The following FCRL3 variants were observed in gnomAD, a reference collection of about 807,000 sequenced individuals.
FCRL3 encodes the protein Fc receptor-like protein 3.
FCRL3 carries 89 observed loss-of-function variants against 75.0 expected under a neutral mutation model. The observed-to-expected ratio is 1.19, with a 90% confidence interval of 1.00 to 1.42. FCRL3 has a LOEUF of 1.42. Ranked by LOEUF, FCRL3 falls within the 40% of genes most tolerant of loss-of-function variation. The pLI is 0.00. For missense variants in FCRL3, 946 were observed against 880.0 expected (o/e 1.07, Z -0.95); for synonymous variants, 376 against 348.5 (o/e 1.08, Z -0.88).
chr1:157,685,351 CAAAT>C (rs1450036181), intron 10 of FCRL3, among the ~76,000 whole-genome samples: 4 of 151,760 alleles, frequency 2.6e-5, no homozygotes, highest in Non-Finnish European at 4.4e-5. Flanking sequence ...AGTAACAAAA[CAAAT>C]AATTATTGCT....
chr1:157,686,639 C>T (rs563637716), intron 10 of FCRL3, among the ~76,000 whole-genome samples: 2 of 152,088 alleles, frequency 1.3e-5, no homozygotes, highest in East Asian at 3.9e-4. Context: ...AAGATTCACA[C>T]CTACAACCAT....
Position 157,677,053 on chromosome 1 carries a change from A to C in FCRL3, c.*1657T>G. 8.3e-7 allele frequency: 1 copy of C among 1,203,970 alleles called. No individual in the cohort carries two copies. The highest frequency in any genetic ancestry group is 1.0e-6 in the Non-Finnish European group (1 of 955,570). The allele number at this position is 1,203,970 out of a possible 1,614,324, so 74.6% of individuals were successfully genotyped here. A position where few individuals can be genotyped will look rare whatever the true frequency, so the allele number is the denominator to read the frequency against. ...CCAATATGAACATGAACTGGCAGAG[A>C]TCAGCATCTCAGTACGGGCAGGACA... On this transcript the variant is annotated 3_prime_UTR_variant, in exon 15 of 15. Coordinates refer to ENST00000368184, the MANE Select transcript of FCRL3 (RefSeq NM_052939.4).
intron 8 of FCRL3, among the ~76,000 whole-genome samples, chr1:157,693,740 C>CTT (rs1553196242): frequency 0.28 from 41,435 of 148,752 alleles, 5,811 homozygotes; most frequent in Middle Eastern, 0.35. Context: ...CTCTCTCTCT[C>CTT]TCTCTTTCTT....
At position 157,679,565 on chromosome 1, in the gene FCRL3, G is replaced by A. The variant is rs574280190; in HGVS notation, c.2027-592C>T. On this transcript the variant is annotated intron_variant, in intron 13 of 14. Coordinates refer to ENST00000368184, the MANE Select transcript of FCRL3 (RefSeq NM_052939.4). ...CTGTTTGTATCTCTTTTATTTATTT[G>A]TGCAGCCAATAAGCAATGCCTTCTA... 3.3e-5 allele frequency among the ~76,000 whole-genome samples: 5 copies of A among 152,106 alleles called. No homozygotes were observed. The East Asian group carries it at 9.7e-4, about 29-fold the overall frequency.
At chr1:157,693,794 CT>C (rs1188124408) in intron 8 of FCRL3, among the ~76,000 whole-genome samples, 1 of 151,466 alleles carries the variant, frequency 6.6e-6, no homozygotes. Context: ...GTTGCCCAGG[CT>C]GGAGTGCAGT....
chr1:157,698,624 C>T lies in FCRL3; in HGVS notation c.58G>A (p.Ala20Thr), dbSNP rs141123343. 142 of 1,613,972 alleles carry T rather than the reference C, an allele frequency of 8.8e-5. 1 individual carries two copies. The African/African-American group carries it at 1.7e-3, about 20-fold the overall frequency. ...LTPGREQSGV[A>T]PKAVLLLNPP... ...TTGAGGAGAAGTACAGCTTTTGGGGCCACCCCTAAACAGGAAATAGAAAGA... is the reference window on the plus strand; with the variant it reads ...TTGAGGAGAAGTACAGCTTTTGGGGTCACCCCTAAACAGGAAATAGAAAGA... Residue 20 changes from alanine (A) to threonine (T), a missense_variant, in exon 4 of 15, where the codon GCC becomes ACC. Ala to Thr is a moderately conservative substitution (Grantham distance 58, BLOSUM62 0). Coordinates refer to ENST00000368184, the MANE Select transcript of FCRL3 (RefSeq NM_052939.4).
At chr1:157,690,826 T>C (rs1655481966) in intron 8 of FCRL3, among the ~76,000 whole-genome samples, 1 of 152,190 alleles carries the variant, frequency 6.6e-6, no homozygotes, top group African/African-American at 2.4e-5. Flanking sequence ...TAAAAATTGG[T>C]TATTATTATT....
intron 13 of FCRL3, 200 bp from the exon 14 acceptor site, chr1:157,679,173 C>T: frequency 1.6e-6 from 1 of 635,232 alleles, no homozygotes; most frequent in South Asian, 1.9e-5. Context: ...TTGACTGTTT[C>T]CTCTGTTGGA....
chr1:157,695,984 G>C (rs563378114), intron 7 of FCRL3, 56 bp downstream of exon 7: 53 of 1,502,556 alleles, frequency 3.5e-5, no homozygotes, highest in Non-Finnish European at 4.5e-5. Flanking sequence ...GTGGCTGACA[G>C]AGAACCTAAA....
At chr1:157,687,224 A>G (rs1436175932) in intron 10 of FCRL3, among the ~76,000 whole-genome samples, 1 of 151,204 alleles carries the variant, frequency 6.6e-6, no homozygotes, top group Non-Finnish European at 1.5e-5. Flanking sequence ...TGGAAATCAA[A>G]ACCACCATCA....
intron 10 of FCRL3, among the ~76,000 whole-genome samples, chr1:157,686,603 G>A (rs1360754890): frequency 2.6e-5 from 4 of 151,946 alleles, no homozygotes; most frequent in Admixed American, 6.6e-5. Flanking sequence ...ATAGACCAAC[G>A]GAATGGAATA....
chr1:157,696,470 G>A, intron 6 of FCRL3, 143 bp from the exon 7 acceptor site: 3 of 756,154 alleles, frequency 4.0e-6, no homozygotes, highest in East Asian at 2.7e-5. Flanking sequence ...AATTAATTGT[G>A]TATACGATTA....
At chr1:157,692,728 T>G (rs1380075342) in intron 8 of FCRL3, among the ~76,000 whole-genome samples, 1 of 152,240 alleles carries the variant, frequency 6.6e-6, no homozygotes, top group Non-Finnish European at 1.5e-5. Context: ...GATCAGTGGC[T>G]ACTGACAATG....
At chr1:157,679,671 A>C (rs1048837941) in intron 13 of FCRL3, among the ~76,000 whole-genome samples, 6 of 151,908 alleles carry the variant, frequency 3.9e-5, no homozygotes, top group Non-Finnish European at 8.8e-5. Context: ...TCTACTAAAA[A>C]TACAAAATTT....
intron 8 of FCRL3, among the ~76,000 whole-genome samples, chr1:157,694,933 TA>T (rs977526677): frequency 1.3e-5 from 2 of 152,064 alleles, no homozygotes; most frequent in Non-Finnish European, 2.9e-5. Flanking sequence ...TAGATTGAGA[TA>T]GGGGCAGAAA....
intron 10 of FCRL3, 77 bp from the exon 11 acceptor site, chr1:157,683,321 T>C (rs890621965): frequency 2.6e-6 from 4 of 1,544,010 alleles, no homozygotes; most frequent in Non-Finnish European, 3.5e-6. Flanking sequence ...CATTTTTTCC[T>C]AGAAATCAGA....
intron 6 of FCRL3, 105 bp downstream of exon 6, chr1:157,697,035 G>T: frequency 8.9e-7 from 1 of 1,127,908 alleles, no homozygotes; most frequent in Non-Finnish European, 1.2e-6. Context: ...CAGAATAGCT[G>T]GACACTCCTC....
At position 157,697,677 on chromosome 1, in the gene FCRL3, G is replaced by A. The variant is rs1404110367; in HGVS notation, c.541C>T (p.Leu181=). The change falls in exon 5 of 15, where the codon CTA becomes TTA. Residue 181 remains leucine (L), a synonymous_variant. Transcript: ENST00000368184. The stretch of plus-strand genomic sequence containing the variant: ...CCATTACCTTGAACTTGGATATTTA[G>A]GGGTTTTGAAGTTACTTCAATGTCA... The part of the protein sequence containing the change: ...ILDIEVTSKP[L]NIQVQELFLH... 6 of 1,613,378 alleles carry A rather than the reference G, an allele frequency of 3.7e-6. No homozygotes were observed. Among genetic ancestry groups the A allele is most frequent in the Non-Finnish European group, 5.1e-6 (6 of 1,179,858 alleles).
In FCRL3 at chr1:157,678,566, T is replaced by C. The variant is rs1185901356; in HGVS notation, c.*144A>G. The C allele has an allele frequency of 1.0e-5, 15 of 1,499,284 alleles. No homozygotes were observed. Among genetic ancestry groups the C allele is most frequent in the Non-Finnish European group, 1.2e-5 (14 of 1,134,058 alleles). The allele number at this position is 1,499,284 out of a possible 1,614,324, so 92.9% of individuals were successfully genotyped here. ...CACACAGATCAGGCACAGGGGAGAT[T>C]TGCAGACCTTTTGCTCAGCCTCACA... On this transcript the variant is annotated 3_prime_UTR_variant, in exon 15 of 15. Transcript: ENST00000368184.
Sources: gnomAD v4.1 joint callset for allele counts (sites outside exome capture counted in the v4.1 genomes callset) on GRCh38, gnomAD v4.1.1 for gene constraint, MANE v1.5 for transcripts, NCBI Gene and HGNC (gene_info 2026-07-23, HGNC 2026-07-21) for gene names.